KCNH1: variants seen among roughly 807,000 people sequenced by gnomAD.
The protein encoded by KCNH1 is voltage-gated delayed rectifier potassium channel KCNH1.
In KCNH1, 27 loss-of-function variants were observed where a neutral mutation model predicts 69.2. The ratio of observed to expected loss-of-function variants is 0.39; its 90% confidence interval spans 0.29 to 0.54. KCNH1 has a LOEUF of 0.54. Among genes scored for constraint, KCNH1 ranks in the 20% least tolerant of loss-of-function variants. The pLI is 0.68. For missense variants in KCNH1, 798 were observed against 1,261.6 expected (o/e 0.63, Z 5.57); for synonymous variants, 456 against 487.7 (o/e 0.93, Z 0.86).
intron 7 of KCNH1, among the ~76,000 whole-genome samples, chr1:210,881,524 G>T (rs75266653): frequency 0.099 from 14,999 of 152,140 alleles, 985 homozygotes; most frequent in Non-Finnish European, 0.15. Flanking sequence ...TGTTATGATT[G>T]GTATCATACT....
intron 6 of KCNH1, among the ~76,000 whole-genome samples, chr1:210,965,585 C>T (rs558978154): frequency 3.3e-5 from 5 of 150,920 alleles, no homozygotes; most frequent in East Asian, 4.0e-4. Context: ...ACCAACTATA[C>T]ACCAATAATT....
intron 5 of KCNH1, among the ~76,000 whole-genome samples, chr1:211,026,532 G>A (rs757282352): frequency 1.7e-4 from 26 of 152,072 alleles, no homozygotes; most frequent in South Asian, 8.3e-4. Flanking sequence ...CCCCCACCCC[G>A]CCTCAGCTAC....
intron 5 of KCNH1, among the ~76,000 whole-genome samples, chr1:211,024,529 G>C (rs932155413): frequency 2.0e-5 from 3 of 152,214 alleles, no homozygotes; most frequent in African/African-American, 7.2e-5. Flanking sequence ...ACAGGACCCA[G>C]TGGAATATTG....
At chr1:210,816,022 C>T (rs1017519571) in intron 7 of KCNH1, among the ~76,000 whole-genome samples, 5 of 152,178 alleles carry the variant, frequency 3.3e-5, no homozygotes, top group African/African-American at 1.2e-4. Context: ...TTTCTTTTTA[C>T]CAGATCTCAC....
rs115730019 is a variant in KCNH1, at chr1:210,856,520, A to G, written c.1463-52354T>C. 2.0e-3 allele frequency among the ~76,000 whole-genome samples: 300 copies of G among 152,052 alleles called. 2 individuals are homozygous for G. Among genetic ancestry groups the G allele is most frequent in the African/African-American group, 6.9e-3 (286 of 41,472 alleles). Reference sequence around the variant, plus strand: ...CTAAAGAACACAAATGAAGGCAAGGACATTTGTCCAGCCTCTTCTTCCTCA... The same window carrying G: ...CTAAAGAACACAAATGAAGGCAAGGGCATTTGTCCAGCCTCTTCTTCCTCA... On this transcript the variant is annotated intron_variant, in intron 7 of 10. Coordinates refer to ENST00000271751, the MANE Select transcript of KCNH1 (RefSeq NM_172362.3).
At chr1:210,849,115 C>T (rs1450619469) in intron 7 of KCNH1, among the ~76,000 whole-genome samples, 1 of 152,172 alleles carries the variant, frequency 6.6e-6, no homozygotes, top group East Asian at 1.9e-4. Flanking sequence ...TACACATATA[C>T]ATACATGTGT....
chr1:211,020,680 C>T (rs1689572176), intron 5 of KCNH1, among the ~76,000 whole-genome samples: 1 of 151,592 alleles, frequency 6.6e-6, no homozygotes, highest in South Asian at 2.1e-4. Flanking sequence ...CAGACAAAGG[C>T]AAAACAAAAA....
At chr1:211,117,548 T>A (rs1691603939) in intron 1 of KCNH1, among the ~76,000 whole-genome samples, 1 of 152,150 alleles carries the variant, frequency 6.6e-6, no homozygotes, top group Non-Finnish European at 1.5e-5. Flanking sequence ...AAAGAGGTCC[T>A]GAGATTACAT....
intron 7 of KCNH1, among the ~76,000 whole-genome samples, chr1:210,819,570 TA>T (rs1489412405): frequency 6.6e-6 from 1 of 151,596 alleles, no homozygotes; most frequent in Non-Finnish European, 1.5e-5. Context: ...AAAATTAAGC[TA>T]AGCAGTGACT....
chr1:211,020,248 C>T (rs1689565532), intron 5 of KCNH1, among the ~76,000 whole-genome samples: 1 of 151,304 alleles, frequency 6.6e-6, no homozygotes, highest in Non-Finnish European at 1.5e-5. Flanking sequence ...AAACCCAAAC[C>T]TATAACTAAG....
intron 10 of KCNH1, among the ~76,000 whole-genome samples, chr1:210,700,667 T>A (rs1043650368): frequency 6.6e-6 from 1 of 152,232 alleles, no homozygotes; most frequent in Non-Finnish European, 1.5e-5. Flanking sequence ...ATAGTAAATA[T>A]TTTTGGCTTT....
At chr1:210,689,708 GACC>G (rs1681487696) in intron 10 of KCNH1, among the ~76,000 whole-genome samples, 1 of 152,230 alleles carries the variant, frequency 6.6e-6, no homozygotes, top group Non-Finnish European at 1.5e-5. Flanking sequence ...CTCTGCCACT[GACC>G]AGTCACTGTG....
At chr1:211,004,144 C>A (rs1437389525) in intron 6 of KCNH1, among the ~76,000 whole-genome samples, 4 of 151,840 alleles carry the variant, frequency 2.6e-5, no homozygotes, top group African/African-American at 9.7e-5. Context: ...CCAATCACAC[C>A]AGTGCAAATA....
chr1:210,787,822 A>G (rs972269429), intron 9 of KCNH1, among the ~76,000 whole-genome samples: 3 of 152,234 alleles, frequency 2.0e-5, no homozygotes, highest in African/African-American at 4.8e-5. Context: ...TTACTCTGTG[A>G]CATAAATCTG....
chr1:210,810,882 A>G, intron 7 of KCNH1, among the ~76,000 whole-genome samples: 1 of 152,184 alleles, frequency 6.6e-6, no homozygotes, highest in East Asian at 1.9e-4. Flanking sequence ...GGGGCCCTAG[A>G]AAACTGATTA....
intron 10 of KCNH1, among the ~76,000 whole-genome samples, chr1:210,752,501 G>T (rs1473224863): frequency 1.3e-5 from 2 of 152,220 alleles, no homozygotes; most frequent in African/African-American, 4.8e-5. Flanking sequence ...CAAAGGAACT[G>T]TCAATTAACC....
At chr1:210,879,970 C>T (rs892073759) in intron 7 of KCNH1, among the ~76,000 whole-genome samples, 2 of 152,050 alleles carry the variant, frequency 1.3e-5, no homozygotes, top group Non-Finnish European at 1.5e-5. Context: ...AATTTGAAAT[C>T]AGAAGCGCAG....
chr1:210,837,594 A>G (rs4509646), intron 7 of KCNH1, among the ~76,000 whole-genome samples: 96,002 of 152,022 alleles, frequency 0.63, 31,386 homozygotes, highest in African/African-American at 0.8. Context: ...AAGTCACTTC[A>G]TTACTCTGAA....
At chr1:210,827,089 G>A (rs1251037929) in intron 7 of KCNH1, among the ~76,000 whole-genome samples, 2 of 152,220 alleles carry the variant, frequency 1.3e-5, no homozygotes, top group East Asian at 3.8e-4. Context: ...TGTAATCCCA[G>A]TATTTTGGGA....
Sources: gnomAD v4.1 joint callset for allele counts (sites outside exome capture counted in the v4.1 genomes callset) on GRCh38, gnomAD v4.1.1 for gene constraint, MANE v1.5 for transcripts, NCBI Gene and HGNC (gene_info 2026-07-23, HGNC 2026-07-21) for gene names.